The following ADAMTS17 variants were observed in gnomAD, a reference collection of about 807,000 sequenced individuals.
The protein encoded by ADAMTS17 is A disintegrin and metalloproteinase with thrombospondin motifs 17.
Under a neutral mutation model 141.5 loss-of-function variants are expected in ADAMTS17, and 113 were observed. The observed-to-expected ratio is 0.80, with a 90% CI of 0.69 to 0.93. The LOEUF (loss-of-function observed/expected upper bound fraction) is 0.93, where lower values mean the gene tolerates loss of function less well. Ranked by LOEUF, ADAMTS17 falls within the 40% of genes least tolerant of loss-of-function variation. ADAMTS17 has a pLI of 0.00. For missense variants in ADAMTS17, 1,659 were observed against 1,517.9 expected (o/e 1.09, Z -1.54); for synonymous variants, 768 against 630.6 (o/e 1.22, Z -3.27).
intron 7 of ADAMTS17, among the ~76,000 whole-genome samples, chr15:100,204,607 C>T (rs941970438): frequency 6.6e-6 from 1 of 152,208 alleles, no homozygotes; most frequent in African/African-American, 2.4e-5. Context: ...TGGACCCCTA[C>T]CTCACACCAC....
At chr15:100,087,191 C>T (rs1007085523) in intron 15 of ADAMTS17, among the ~76,000 whole-genome samples, 4 of 152,116 alleles carry the variant, frequency 2.6e-5, no homozygotes, top group African/African-American at 7.2e-5. Context: ...TACAAACTAC[C>T]ATCATATCTT....
intron 7 of ADAMTS17, among the ~76,000 whole-genome samples, chr15:100,234,024 C>G (rs934706040): frequency 6.6e-6 from 1 of 152,100 alleles, no homozygotes; most frequent in Non-Finnish European, 1.5e-5. Context: ...TAAAAGTAAC[C>G]CTCTGCCTGT....
chr15:100,165,003 C>T (rs2141435700), intron 8 of ADAMTS17, among the ~76,000 whole-genome samples: 1 of 152,306 alleles, frequency 6.6e-6, no homozygotes, highest in South Asian at 2.1e-4. Flanking sequence ...TTCTTTTTGG[C>T]TCCCAACAGT....
At chr15:100,317,351 AG>A (rs2045597171) in intron 3 of ADAMTS17, among the ~76,000 whole-genome samples, 1 of 152,218 alleles carries the variant, frequency 6.6e-6, no homozygotes, top group Admixed American at 6.5e-5. Context: ...TTCTCTGGAA[AG>A]CACTGAAGTC....
At chr15:100,318,141 T>C (rs772098557) in intron 3 of ADAMTS17, among the ~76,000 whole-genome samples, 15 of 152,100 alleles carry the variant, frequency 9.9e-5, no homozygotes, top group Non-Finnish European at 1.9e-4. Flanking sequence ...GACGATGACA[T>C]TTCTGACACG....
intron 20 of ADAMTS17, among the ~76,000 whole-genome samples, chr15:99,991,733 T>A (rs2060694825): frequency 1.3e-5 from 2 of 152,222 alleles, no homozygotes; most frequent in Admixed American, 1.3e-4. Context: ...ATACGTTTAC[T>A]GCGGCACTGT....
At chr15:100,222,916 T>C (rs1038634913) in intron 7 of ADAMTS17, among the ~76,000 whole-genome samples, 3 of 152,216 alleles carry the variant, frequency 2.0e-5, no homozygotes, top group Non-Finnish European at 4.4e-5. Flanking sequence ...TCTTCTAACA[T>C]GGACACACTT....
chr15:100,194,749 C>A (rs2041046920), intron 8 of ADAMTS17, among the ~76,000 whole-genome samples: 1 of 152,180 alleles, frequency 6.6e-6, no homozygotes, highest in African/African-American at 2.4e-5. Context: ...GGACAAGGCA[C>A]GCTGTCCTGG....
chr15:100,037,044 A>G (rs1372317241), intron 18 of ADAMTS17, among the ~76,000 whole-genome samples: 1 of 152,210 alleles, frequency 6.6e-6, no homozygotes, highest in East Asian at 1.9e-4. Context: ...TTGTGTGGAC[A>G]TGTTTTCATC....
intron 18 of ADAMTS17, among the ~76,000 whole-genome samples, chr15:100,039,497 C>T (rs1325248127): frequency 6.6e-6 from 1 of 152,168 alleles, no homozygotes; most frequent in African/African-American, 2.4e-5. Context: ...TTCTATTTGA[C>T]CCACTGGTTG....
intron 9 of ADAMTS17, among the ~76,000 whole-genome samples, chr15:100,154,884 A>C (rs78070258): frequency 0.01 from 1,579 of 152,314 alleles, 14 homozygotes; most frequent in Non-Finnish European, 0.018. Context: ...ACACGGTCAC[A>C]ACACTGCAGA....
chr15:100,076,684 GTTCA>G (rs985355658), intron 15 of ADAMTS17, among the ~76,000 whole-genome samples: 23 of 152,192 alleles, frequency 1.5e-4, no homozygotes, highest in African/African-American at 5.1e-4. Flanking sequence ...ATATCAGTGT[GTTCA>G]TTGTCATTTT....
At chr15:100,098,858 G>T (rs1464026543) in intron 14 of ADAMTS17, among the ~76,000 whole-genome samples, 1 of 152,292 alleles carries the variant, frequency 6.6e-6, no homozygotes, top group East Asian at 1.9e-4. Flanking sequence ...CACAGAGCTG[G>T]TCTCTCCCAC....
intron 7 of ADAMTS17, among the ~76,000 whole-genome samples, chr15:100,231,578 T>A (rs1483612298): frequency 6.6e-6 from 1 of 152,182 alleles, no homozygotes; most frequent in East Asian, 1.9e-4. Context: ...TTTTTCTAAG[T>A]GTTACAGAAG....
chr15:100,269,624 T>C (rs2043835350), intron 4 of ADAMTS17, among the ~76,000 whole-genome samples: 1 of 152,174 alleles, frequency 6.6e-6, no homozygotes, highest in Non-Finnish European at 1.5e-5. Context: ...TCCTGTTCCC[T>C]GGATTCCCTT....
intron 7 of ADAMTS17, among the ~76,000 whole-genome samples, chr15:100,250,165 A>G (rs1403465869): frequency 6.6e-6 from 1 of 152,278 alleles, no homozygotes; most frequent in African/African-American, 2.4e-5. Flanking sequence ...AAAGATGAGT[A>G]TAAGCATAAA....
chr15:100,165,754 G>A (rs2039924497), intron 8 of ADAMTS17, among the ~76,000 whole-genome samples: 2 of 152,138 alleles, frequency 1.3e-5, no homozygotes, highest in South Asian at 2.1e-4. Context: ...TAAGAATATA[G>A]CCTCCCCAGG....
At chr15:99,986,840 C>T (rs966926367) in intron 20 of ADAMTS17, among the ~76,000 whole-genome samples, 23 of 152,110 alleles carry the variant, frequency 1.5e-4, no homozygotes, top group African/African-American at 5.6e-4. Context: ...GTGAAAACAA[C>T]GATCAGCATT....
intron 7 of ADAMTS17, among the ~76,000 whole-genome samples, chr15:100,200,289 G>A (rs1424651312): frequency 1.3e-5 from 2 of 152,176 alleles, no homozygotes; most frequent in Non-Finnish European, 1.5e-5. Context: ...GTGTTTTCCA[G>A]GGGAAGAATG....
Sources: gnomAD v4.1 joint callset for allele counts (sites outside exome capture counted in the v4.1 genomes callset) on GRCh38, gnomAD v4.1.1 for gene constraint, MANE v1.5 for transcripts, NCBI Gene and HGNC (gene_info 2026-07-23, HGNC 2026-07-21) for gene names.